Variants in QKI observed in about 807,000 individuals in gnomAD.
QKI encodes QKI, KH domain containing RNA binding.
QKI carries 10 observed loss-of-function variants against 39.0 expected under a neutral mutation model. The ratio of observed to expected loss-of-function variants is 0.26; its 90% CI spans 0.16 to 0.43. The LOEUF (loss-of-function observed/expected upper bound fraction) is 0.43, where lower values mean the gene tolerates loss of function less well. Among genes scored for constraint, QKI ranks in the 20% least tolerant of loss-of-function variants. QKI has a pLI of 1.00. For missense variants in QKI, 218 were observed against 428.0 expected, an observed-to-expected ratio of 0.51 and a Z score of 4.33; for synonymous variants, 204 against 155.4, an observed-to-expected ratio of 1.31 and a Z score of -2.33.
chr6:163,536,883 G>C (rs533242730), intron 4 of QKI, among the ~76,000 whole-genome samples: 1 of 152,122 alleles, frequency 6.6e-6, no homozygotes, highest in Non-Finnish European at 1.5e-5. Flanking sequence ...CCAGCTTTGT[G>C]ACTTTTAACT....
At chr6:163,560,764 CATG>C (rs1185730460) in intron 4 of QKI, among the ~76,000 whole-genome samples, 9 of 152,092 alleles carry the variant, frequency 5.9e-5, no homozygotes, top group Admixed American at 1.3e-4. Context: ...TGTTGAGAAA[CATG>C]ATGAAAATTG....
chr6:163,565,633 GAAT>G (rs1262034830), intron 6 of QKI: 18 of 1,037,622 alleles, frequency 1.7e-5, no homozygotes, highest in Non-Finnish European at 2.1e-5. Context: ...TTCATAAGGT[GAAT>G]AATAATAAGT....
chr6:163,547,188 G>A (rs916141496), intron 4 of QKI, among the ~76,000 whole-genome samples: 2 of 151,972 alleles, frequency 1.3e-5, no homozygotes, highest in Non-Finnish European at 2.9e-5. Flanking sequence ...TTATACTTGG[G>A]AATATTTCTT....
At chr6:163,565,386 G>A (rs1783300662) in intron 6 of QKI, 9 of 985,886 alleles carry the variant, frequency 9.1e-6, no homozygotes, top group South Asian at 4.7e-5. Flanking sequence ...CACTTTCAGC[G>A]CAAGATCTCC....
At chr6:163,427,243 CTTTTTTTTT>C (rs11375326) in intron 1 of QKI, among the ~76,000 whole-genome samples, 21 of 85,796 alleles carry the variant, frequency 2.4e-4, no homozygotes, top group Admixed American at 1.2e-3. Flanking sequence ...ATACTCGTAC[CTTTTTTTTT>C]TTTTTTTTTT....
intron 2 of QKI, among the ~76,000 whole-genome samples, chr6:163,462,586 G>A (rs1791436543): frequency 6.6e-6 from 1 of 152,132 alleles, no homozygotes; most frequent in Admixed American, 6.5e-5. Flanking sequence ...AATTTGCCAT[G>A]TTAAGGACAG....
intron 1 of QKI, among the ~76,000 whole-genome samples, chr6:163,426,574 G>T (rs783136): frequency 1.3e-5 from 2 of 151,762 alleles, no homozygotes; most frequent in South Asian, 4.2e-4. Context: ...AAGGTGCCCC[G>T]TCAACATTCA....
At chr6:163,483,281 G>A (rs1382143241) in intron 3 of QKI, among the ~76,000 whole-genome samples, 1 of 152,162 alleles carries the variant, frequency 6.6e-6, no homozygotes, top group Non-Finnish European at 1.5e-5. Context: ...GGATGTTGAT[G>A]GCATGTTGAT....
chr6:163,567,960 G>A (rs1783466076), intron 7 of QKI: 2 of 984,698 alleles, frequency 2.0e-6, no homozygotes, highest in Non-Finnish European at 2.4e-6. Flanking sequence ...CAAAGACATT[G>A]TTAATATTTG....
In QKI at chr6:163,415,313, C is replaced by T. The variant is rs1330644243; in HGVS notation, c.120C>T (p.His40=). 5.0e-6 allele frequency: 8 copies of T among 1,592,614 alleles called. No homozygotes were observed. The highest frequency in any genetic ancestry group is 3.3e-5 in the South Asian group (3 of 90,168). The change falls in exon 1 of 8, where the codon CAC becomes CAT. Residue 40 remains histidine, a synonymous_variant. Coordinates refer to ENST00000361752, the MANE Select transcript of QKI (RefSeq NM_006775.3). ...CCAACTTCTGCGGGATCTTCAACCA[C>T]CTCGAGCGGCTGCTGGACGAAGGTG... ...SLPNFCGIFN[H]LERLLDEEIS...
intron 1 of QKI, among the ~76,000 whole-genome samples, chr6:163,447,851 C>T (rs1441777610): frequency 6.6e-6 from 1 of 152,104 alleles, no homozygotes; most frequent in Non-Finnish European, 1.5e-5. Context: ...AGCTTTTCTG[C>T]TTTCTACTCT....
At chr6:163,546,865 A>G (rs1295005793) in intron 4 of QKI, among the ~76,000 whole-genome samples, 1 of 151,430 alleles carries the variant, frequency 6.6e-6, no homozygotes, top group Non-Finnish European at 1.5e-5. Context: ...TAACTCTGAA[A>G]CCATATTGCC....
intron 4 of QKI, among the ~76,000 whole-genome samples, chr6:163,538,314 C>T (rs530485989): frequency 2.6e-5 from 4 of 152,058 alleles, no homozygotes; most frequent in South Asian, 2.1e-4. Context: ...CAAAGTGCTG[C>T]GAAGAAAAAT....
At chr6:163,434,770 A>G (rs1336848063) in intron 1 of QKI, among the ~76,000 whole-genome samples, 3 of 152,094 alleles carry the variant, frequency 2.0e-5, no homozygotes, top group African/African-American at 7.2e-5. Context: ...TAAAAAAATT[A>G]AATTTTACAA....
At chr6:163,462,119 TTTTTG>T (rs1791399476) in intron 2 of QKI, among the ~76,000 whole-genome samples, 1 of 152,150 alleles carries the variant, frequency 6.6e-6, no homozygotes, top group African/African-American at 2.4e-5. Context: ...ATTTAAGTAA[TTTTTG>T]TTTTGTTTTA....
At chr6:163,521,418 G>A (rs1025689208) in intron 3 of QKI, among the ~76,000 whole-genome samples, 3 of 152,142 alleles carry the variant, frequency 2.0e-5, no homozygotes, top group Non-Finnish European at 4.4e-5. Context: ...TTAACATTGT[G>A]TTTGATTCGC....
chr6:163,569,907 G>T, intron 7 of QKI: 1 of 987,082 alleles, frequency 1.0e-6, no homozygotes, highest in Non-Finnish European at 1.2e-6. Flanking sequence ...TAAATGGCAG[G>T]ATTTTACAGT....
intron 6 of QKI, chr6:163,565,444 A>C: frequency 8.1e-6 from 8 of 986,288 alleles, no homozygotes; most frequent in Non-Finnish European, 9.6e-6. Flanking sequence ...ACCTTATCTA[A>C]AATGAATAAG....
rs1790864325 is a variant in QKI, at chr6:163,455,711, CACA to C, written c.285+294_285+296del. Among the ~76,000 whole-genome samples, 5 of 152,166 alleles carry C rather than the reference CACA, an allele frequency of 3.3e-5. No individual in the cohort carries two copies. The South Asian group carries it at 1.0e-3, about 32-fold the overall frequency. ...GGCCTGACTGACACAGAGCACCAAG[CACA>C]ACATTGCTCATCTTTAATCTGACCT... On this transcript the variant is annotated intron_variant, in intron 2 of 7. Transcript: ENST00000361752.
Sources: gnomAD v4.1 joint callset for allele counts (sites outside exome capture counted in the v4.1 genomes callset) on GRCh38, gnomAD v4.1.1 for gene constraint, MANE v1.5 for transcripts, NCBI Gene and HGNC (gene_info 2026-07-23, HGNC 2026-07-21) for gene names.